The following ZNF704 variants were observed in gnomAD, a reference collection of about 807,000 sequenced individuals.
The protein encoded by ZNF704 is zinc finger protein 704.
A neutral mutation model predicts 44.7 loss-of-function variants in ZNF704; 10 were observed. The observed-to-expected ratio is 0.22, with a 90% CI of 0.14 to 0.38. The LOEUF is 0.38. Among genes scored for constraint, ZNF704 ranks in the 10% least tolerant of loss-of-function variants. The pLI, the probability that ZNF704 is intolerant of heterozygous loss-of-function variation, is 1.00. For missense variants in ZNF704, 390 were observed against 545.5 expected, an observed-to-expected ratio of 0.71 and a Z score of 2.84; for synonymous variants, 211 against 207.6, an observed-to-expected ratio of 1.02 and a Z score of -0.14.
chr8:80,834,783 G>A (rs1808531060), intron 1 of ZNF704, among the ~76,000 whole-genome samples: 1 of 152,136 alleles, frequency 6.6e-6, no homozygotes, highest in Non-Finnish European at 1.5e-5. Flanking sequence ...AACATGTGGT[G>A]TTTGGTTTTC....
chr8:80,687,329 T>A lies in ZNF704; in HGVS notation c.455A>T (p.Asp152Val). The A allele has an allele frequency of 1.2e-6, 2 of 1,611,986 alleles. No homozygotes were observed. The highest frequency in any genetic ancestry group is 8.5e-7 in the Non-Finnish European group (1 of 1,179,830). The change falls in exon 4 of 9, where the codon GAC becomes GTC. Residue 152 changes from aspartate (D) to valine (V), a missense_variant. This residue lies in a region of ZNF704 where 305 missense variants were observed against 435.7 expected (regional missense o/e 0.70). Transcript: ENST00000327835. ...GGGGCTGCGGAAGGGCTTGAAGCTG[T>A]CAGCCGAGAGCGGCGGCGACGGCGT... is the stretch of plus-strand genomic sequence containing the variant. ...PSTPSPPLSA[D>V]SFKPFRSPAQ...
intron 1 of ZNF704, among the ~76,000 whole-genome samples, chr8:80,824,546 A>G (rs1259486410): frequency 6.6e-6 from 1 of 152,232 alleles, no homozygotes; most frequent in African/African-American, 2.4e-5. Context: ...AAGGCAGGCC[A>G]ACATTCAAAT....
intron 7 of ZNF704, among the ~76,000 whole-genome samples, chr8:80,654,395 G>A (rs1404267211): frequency 6.6e-6 from 1 of 151,054 alleles, no homozygotes; most frequent in East Asian, 1.9e-4. Flanking sequence ...CCATCAGAGT[G>A]AACAGGCAAC....
chr8:80,689,723 T>C lies in ZNF704; in HGVS notation c.326-2265A>G, dbSNP rs74874089. 6.1e-3 allele frequency among the ~76,000 whole-genome samples: 933 copies of C among 152,340 alleles called. 10 individuals carry two copies. The highest frequency in any genetic ancestry group is 0.022 in the African/African-American group (898 of 41,576). ...AAAACCAACTATTATTACAGTGTGG[T>C]TACATGGCTTCATGTCAATGCCAAA... is the stretch of plus-strand genomic sequence containing the variant. On this transcript the variant is annotated intron_variant, in intron 3 of 8. Transcript: ENST00000327835.
intron 2 of ZNF704, among the ~76,000 whole-genome samples, chr8:80,820,306 C>A (rs1808247361): frequency 6.6e-6 from 1 of 152,142 alleles, no homozygotes; most frequent in Non-Finnish European, 1.5e-5. Flanking sequence ...ATGTATGTGC[C>A]ACCACTGCCA....
intron 2 of ZNF704, among the ~76,000 whole-genome samples, chr8:80,779,070 A>G (rs1807466661): frequency 6.6e-6 from 1 of 151,798 alleles, no homozygotes; most frequent in African/African-American, 2.4e-5. Flanking sequence ...ATCTTTCAAT[A>G]TATGTCTTCC....
chr8:80,835,988 A>C (rs952257793), intron 1 of ZNF704, among the ~76,000 whole-genome samples: 30 of 152,132 alleles, frequency 2.0e-4, no homozygotes, highest in Admixed American at 2.0e-3. Flanking sequence ...GGATCTGTAC[A>C]ATAGTCTCCC....
intron 6 of ZNF704, among the ~76,000 whole-genome samples, chr8:80,661,753 G>T (rs1055744882): frequency 6.6e-6 from 1 of 152,150 alleles, no homozygotes; most frequent in Non-Finnish European, 1.5e-5. Context: ...TGTCATGGAG[G>T]TAGAGAATAA....
chr8:80,724,855 T>G (rs1806448086), intron 2 of ZNF704, among the ~76,000 whole-genome samples: 2 of 152,222 alleles, frequency 1.3e-5, no homozygotes, highest in Non-Finnish European at 2.9e-5. Flanking sequence ...CCATTCATTC[T>G]GCGCCCCACA....
chr8:80,671,379 T>C (rs994101047), intron 4 of ZNF704, among the ~76,000 whole-genome samples: 1 of 152,230 alleles, frequency 6.6e-6, no homozygotes, highest in African/African-American at 2.4e-5. Context: ...GTGCCATGAT[T>C]GAGAGCACTG....
rs995956303 is a variant in ZNF704 at position 80,633,030 on chromosome 8, G to C, written c.*8336C>G. The C allele has an allele frequency of 6.6e-6, 1 of 152,104 alleles. No individual in the cohort carries two copies. The highest frequency in any genetic ancestry group is 2.4e-5 in the African/African-American group (1 of 41,396). The allele number at this position is 152,104 out of a possible 1,614,324, so 9.4% of individuals were successfully genotyped here. ...AGATGTTACACCTAGTAAATTAACG[G>C]GAGAAAGGTAAGATGAAATCCATTC... On this transcript the variant is annotated 3_prime_UTR_variant, in exon 9 of 9. Transcript: ENST00000327835.
chr8:80,749,266 T>A (rs1806901117), intron 2 of ZNF704, among the ~76,000 whole-genome samples: 1 of 152,050 alleles, frequency 6.6e-6, no homozygotes, highest in Non-Finnish European at 1.5e-5. Context: ...TGCCTCAGCC[T>A]CCCAAAGTGT....
chr8:80,738,592 A>G (rs951938502), intron 2 of ZNF704, among the ~76,000 whole-genome samples: 1 of 151,390 alleles, frequency 6.6e-6, no homozygotes, highest in African/African-American at 2.4e-5. Context: ...TTCTTTACTG[A>G]ACCTTTTAAC....
intron 2 of ZNF704, among the ~76,000 whole-genome samples, chr8:80,815,391 T>C (rs1019373247): frequency 2.6e-5 from 4 of 152,222 alleles, no homozygotes; most frequent in Non-Finnish European, 4.4e-5. Context: ...CATAATCAAA[T>C]TGTAATTGAT....
intron 1 of ZNF704, among the ~76,000 whole-genome samples, chr8:80,866,732 T>A (rs989719831): frequency 6.6e-6 from 1 of 151,462 alleles, no homozygotes; most frequent in African/African-American, 2.4e-5. Flanking sequence ...GGGGGGGGGA[T>A]ACATTAATCT....
At chr8:80,725,254 G>A (rs762243442) in intron 2 of ZNF704, among the ~76,000 whole-genome samples, 3 of 152,096 alleles carry the variant, frequency 2.0e-5, no homozygotes, top group Non-Finnish European at 4.4e-5. Context: ...GGTTTCCTTA[G>A]GTTAAATTGT....
At chr8:80,670,625 A>G in intron 4 of ZNF704, 22 bp from the exon 5 acceptor site, 1 of 1,486,456 alleles carries the variant, frequency 6.7e-7, no homozygotes, top group Non-Finnish European at 9.4e-7. Context: ...AGAGAGTGAT[A>G]TTAGAATGGA....
chr8:80,725,660 T>TA (rs1291247319), intron 2 of ZNF704, among the ~76,000 whole-genome samples: 1 of 152,140 alleles, frequency 6.6e-6, no homozygotes, highest in Non-Finnish European at 1.5e-5. Flanking sequence ...CCTGCAAACT[T>TA]AGAGTCAGCA....
chr8:80,649,492 A>G (rs1180417778), intron 7 of ZNF704, among the ~76,000 whole-genome samples: 2 of 152,352 alleles, frequency 1.3e-5, no homozygotes, highest in Middle Eastern at 3.4e-3. Context: ...CAACAGTCTT[A>G]GCAAACGGCA....
Sources: allele counts gnomAD v4.1 joint callset (sites outside exome capture counted in the v4.1 genomes callset), GRCh38; gene constraint gnomAD v4.1.1; regional missense constraint gnomAD v4.1.1; transcripts MANE v1.5; gene names NCBI Gene and HGNC (gene_info 2026-07-23, HGNC 2026-07-21).